ULK4: variants seen among roughly 807,000 people sequenced by gnomAD.
ULK4 encodes inactive serine/threonine-protein kinase ULK4.
ULK4 carries 133 observed loss-of-function variants against 160.6 expected under a neutral mutation model. That is an observed-to-expected ratio of 0.83 (90% confidence interval 0.72 to 0.96). The LOEUF is 0.96. Ranked by LOEUF, ULK4 falls within the 40% of genes least tolerant of loss-of-function variation. The pLI, the probability that ULK4 is intolerant of heterozygous loss-of-function variation, is 0.00. For synonymous variants in ULK4, 534 were observed against 539.8 expected, an observed-to-expected ratio of 0.99 and a Z score of 0.15; for missense variants, 1,580 against 1,499.5, an observed-to-expected ratio of 1.05 and a Z score of -0.89.
At chr3:41,518,227 T>A (rs1052115312) in intron 32 of ULK4, among the ~76,000 whole-genome samples, 10 of 152,320 alleles carry the variant, frequency 6.6e-5, no homozygotes, top group African/African-American at 2.4e-4. Context: ...ATTTGGGGCT[T>A]ATACAGACTA....
chr3:41,757,465 T>C (rs1371175480), intron 21 of ULK4, among the ~76,000 whole-genome samples: 20 of 151,604 alleles, frequency 1.3e-4, no homozygotes, highest in Admixed American at 1.2e-3. Context: ...ACCCCGTCTC[T>C]ACTAAAAATA....
chr3:41,711,684 T>C lies in ULK4; in HGVS notation c.2634+3553A>G, dbSNP rs141230993. The stretch of plus-strand genomic sequence containing the variant: ...ATAACCACCACAAGCCATCATACTT[T>C]CATAAACTAATGAGGCCAGAACTTA... On this transcript the variant is annotated intron_variant, in intron 25 of 36. Coordinates refer to ENST00000301831, the MANE Select transcript of ULK4 (RefSeq NM_017886.4). Among the ~76,000 whole-genome samples, 522 of 152,346 alleles carry C rather than the reference T, an allele frequency of 3.4e-3. 1 individual carries two copies. Among genetic ancestry groups the C allele is most frequent in the Non-Finnish European group, 6.0e-3 (409 of 68,034 alleles).
intron 17 of ULK4, among the ~76,000 whole-genome samples, chr3:41,880,028 G>A (rs956159731): frequency 5.3e-5 from 8 of 152,144 alleles, no homozygotes; most frequent in Admixed American, 3.9e-4. Context: ...GCTGAGGCAG[G>A]AGAATCGTTT....
At chr3:41,478,409 T>C (rs1271294637) in intron 32 of ULK4, among the ~76,000 whole-genome samples, 2 of 152,212 alleles carry the variant, frequency 1.3e-5, no homozygotes, top group African/African-American at 4.8e-5. Flanking sequence ...CCTAAGAAAA[T>C]TTTGCATATT....
rs1178933088 is a variant in ULK4, at chr3:41,754,051, T to G, written c.2321+310A>C. On this transcript the variant is annotated intron_variant, in intron 22 of 36. Coordinates refer to ENST00000301831, the MANE Select transcript of ULK4 (RefSeq NM_017886.4). ...GGGGAAACCACTCCCATGATCCAAT[T>G]ACTCCCACTTGGTCCCACCCTTGAC... is the stretch of plus-strand genomic sequence containing the variant. Among the ~76,000 whole-genome samples, 3 of 152,190 alleles carry G rather than the reference T, an allele frequency of 2.0e-5. No homozygotes were observed. The East Asian group carries it at 5.8e-4, about 29-fold the overall frequency.
At chr3:41,925,592 G>A (rs1699354476) in intron 5 of ULK4, among the ~76,000 whole-genome samples, 5 of 152,204 alleles carry the variant, frequency 3.3e-5, no homozygotes, top group Admixed American at 3.3e-4. Flanking sequence ...AAGCCAGGGA[G>A]TCACATGGTC....
chr3:41,571,808 T>C (rs1469642235), intron 31 of ULK4, among the ~76,000 whole-genome samples: 2 of 152,154 alleles, frequency 1.3e-5, no homozygotes, highest in South Asian at 2.1e-4. Context: ...CATATATTTT[T>C]CCAATCCTCA....
intron 18 of ULK4, among the ~76,000 whole-genome samples, chr3:41,834,348 A>G (rs2041690765): frequency 6.6e-6 from 1 of 152,136 alleles, no homozygotes; most frequent in Non-Finnish European, 1.5e-5. Flanking sequence ...TAAAGATATC[A>G]ATACTTTCCC....
At chr3:41,578,334 A>G (rs2088270223) in intron 31 of ULK4, among the ~76,000 whole-genome samples, 1 of 152,212 alleles carries the variant, frequency 6.6e-6, no homozygotes, top group Non-Finnish European at 1.5e-5. Flanking sequence ...AAGCATGATC[A>G]TATTTCTGTT....
chr3:41,285,547 A>C (rs761338941), intron 35 of ULK4, among the ~76,000 whole-genome samples: 2 of 152,172 alleles, frequency 1.3e-5, no homozygotes, highest in Non-Finnish European at 2.9e-5. Context: ...CTATGAGGAC[A>C]CAAAGGTGTA....
intron 29 of ULK4, among the ~76,000 whole-genome samples, chr3:41,672,417 A>T (rs1481441800): frequency 6.6e-6 from 1 of 152,162 alleles, no homozygotes; most frequent in Non-Finnish European, 1.5e-5. Flanking sequence ...ATGGAAATGG[A>T]GGTCATTATA....
intron 35 of ULK4, among the ~76,000 whole-genome samples, chr3:41,370,503 G>A (rs1038415966): frequency 4.6e-5 from 7 of 152,150 alleles, no homozygotes; most frequent in African/African-American, 1.4e-4. Flanking sequence ...TACAGCCCAC[G>A]GAGCACAAGC....
chr3:41,425,246 G>T (rs1677415084), intron 34 of ULK4, among the ~76,000 whole-genome samples: 1 of 151,786 alleles, frequency 6.6e-6, no homozygotes, highest in Non-Finnish European at 1.5e-5. Context: ...CAAGATTAGA[G>T]AAAAAATAAT....
chr3:41,901,478 C>CTTTTTTTTTTTTTTTTTTTT lies in ULK4; in HGVS notation c.1183-650_1183-649insAAAAAAAAAAAAAAAAAAAA, dbSNP rs1305478036. Among the ~76,000 whole-genome samples, 35 of 22,940 alleles carry CTTTTTTTTTTTTTTTTTTTT rather than the reference C, an allele frequency of 1.5e-3. 1 individual carries two copies. The highest frequency in any genetic ancestry group is 8.7e-3 in the Non-Finnish European group (28 of 3,236). The allele number at this position is 22,940 out of a possible 152,430, so 15.0% of individuals were successfully genotyped here. ...TACAGGCGTGAGCCACCACGCCCAG[C>CTTTTTTTTTTTTTTTTTTTT]CTTTTTTTTTTTTTTTTTTTGAGAT... On this transcript the variant is annotated intron_variant, in intron 12 of 36. Coordinates refer to ENST00000301831, the MANE Select transcript of ULK4 (RefSeq NM_017886.4).
intron 34 of ULK4, among the ~76,000 whole-genome samples, chr3:41,413,581 T>C (rs763586211): frequency 8.5e-5 from 13 of 152,194 alleles, no homozygotes; most frequent in Non-Finnish European, 1.8e-4. Context: ...TGGAGATCCA[T>C]AAAAAAGTAT....
intron 36 of ULK4, among the ~76,000 whole-genome samples, chr3:41,247,926 C>T (rs776206070): frequency 3.3e-5 from 5 of 152,354 alleles, no homozygotes; most frequent in South Asian, 2.1e-4. Flanking sequence ...AAAGTCCAAA[C>T]GAGAACTTTG....
intron 12 of ULK4, among the ~76,000 whole-genome samples, chr3:41,901,539 G>A (rs1575916118): frequency 8.3e-6 from 1 of 120,648 alleles, no homozygotes; most frequent in African/African-American, 3.0e-5. Flanking sequence ...GGAATGCAGT[G>A]GCACAATCTC....
intron 32 of ULK4, among the ~76,000 whole-genome samples, chr3:41,489,781 ACCT>A (rs2125904996): frequency 6.6e-6 from 1 of 152,128 alleles, no homozygotes; most frequent in South Asian, 2.1e-4. Flanking sequence ...CTCAGATGTC[ACCT>A]CCTACCAGTC....
chr3:41,598,435 C>T (rs868087866), intron 31 of ULK4, among the ~76,000 whole-genome samples: 1 of 152,136 alleles, frequency 6.6e-6, no homozygotes, highest in Admixed American at 6.5e-5. Context: ...AAGCAATCTT[C>T]CAGAGCATGC....
Sources: allele counts gnomAD v4.1 joint callset (sites outside exome capture counted in the v4.1 genomes callset), GRCh38; gene constraint gnomAD v4.1.1; transcripts MANE v1.5; gene names NCBI Gene and HGNC (gene_info 2026-07-23, HGNC 2026-07-21).